ZNF256: variants seen among roughly 807,000 people sequenced by gnomAD.
The protein encoded by ZNF256 is zinc finger protein 256.
Under a neutral mutation model 7.9 loss-of-function variants are expected in ZNF256, and 4 were observed. The ratio of observed to expected loss-of-function variants is 0.50; its 90% CI spans 0.25 to 1.15. ZNF256 has a LOEUF of 1.15. Ranked by LOEUF, ZNF256 falls within the 50% of genes most tolerant of loss-of-function variation. ZNF256 has a pLI of 0.15. For synonymous variants in ZNF256, 260 were observed against 260.4 expected, an observed-to-expected ratio of 1.00 and a Z score of 0.02; for missense variants, 666 against 755.9, an observed-to-expected ratio of 0.88 and a Z score of 1.39.
intron 1 of ZNF256, among the ~76,000 whole-genome samples, chr19:57,944,754 G>A (rs1231091422): frequency 2.6e-5 from 4 of 152,094 alleles, no homozygotes; most frequent in African/African-American, 9.7e-5. Flanking sequence ...AACCCAGGAG[G>A]TGGAGAGGTG....
intron 1 of ZNF256, among the ~76,000 whole-genome samples, chr19:57,944,511 C>A (rs2072753259): frequency 6.6e-6 from 1 of 152,226 alleles, no homozygotes; most frequent in Non-Finnish European, 1.5e-5. Context: ...GGCTTCCCCA[C>A]ATGCTACCTG....
intron 1 of ZNF256, among the ~76,000 whole-genome samples, chr19:57,946,077 C>G (rs2072764504): frequency 2.0e-5 from 3 of 152,214 alleles, no homozygotes; most frequent in Admixed American, 2.0e-4. Context: ...GCCGTGGCCA[C>G]TGCCAAACTA....
Position 57,941,475 on chromosome 19 carries a change from T to C in ZNF256, c.1333A>G (p.Ser445Gly). The C allele has an allele frequency of 9.3e-6, 15 of 1,614,160 alleles. No homozygotes were observed. Among genetic ancestry groups the C allele is most frequent in the Non-Finnish European group, 1.0e-5 (12 of 1,180,036 alleles). ...TGTACAATGAGGTCAAATTTCCTGC[T>C]AAATAATTTTCCACATTCATGACAT... is the stretch of plus-strand genomic sequence containing the variant. ...HECHECGKLF[S>G]RKFDLIVHER... The change falls in exon 3 of 3, where the codon AGC becomes GGC. Residue 445 changes from serine (S) to glycine (G), a missense_variant. Physicochemically the swap from Ser to Gly is moderately conservative, Grantham distance 56. Coordinates refer to ENST00000282308, the MANE Select transcript of ZNF256 (RefSeq NM_005773.3).
chr19:57,941,270 T>C lies in ZNF256; in HGVS notation c.1538A>G (p.His513Arg). 6.2e-7 allele frequency: 1 copy of C among 1,614,188 alleles called. No homozygotes were observed. Among genetic ancestry groups the C allele is most frequent in the Non-Finnish European group, 8.5e-7 (1 of 1,180,032 alleles). ...SSTLLQHQRV[H>R]TGERPYECNE... ...GCACTCATAAGGCCTTTCTCCAGTG[T>C]GAACTCTCTGGTGTTGAAGGAGCGT... The change falls in exon 3 of 3, where the codon CAC becomes CGC. Residue 513 changes from histidine (H) to arginine (R), a missense_variant. Coordinates refer to ENST00000282308, the MANE Select transcript of ZNF256 (RefSeq NM_005773.3).
chr19:57,944,193 A>G, intron 1 of ZNF256, 133 bp from the exon 2 acceptor site: 1 of 1,342,968 alleles, frequency 7.4e-7, no homozygotes, highest in Non-Finnish European at 1.0e-6. Flanking sequence ...AGGAGAAAGC[A>G]GTCAGCTGGT....
At position 57,947,037 on chromosome 19, in the gene ZNF256, G is replaced by A. The variant is rs75030408; in HGVS notation, c.33+405C>T. On this transcript the variant is annotated intron_variant, in intron 1 of 2. Transcript: ENST00000282308. ...CACAACCCAGAGAACCTGTGGGTGG[G>A]AGTTAGGGCTAGTGAGAGACTGGGA... 9.7e-3 allele frequency among the ~76,000 whole-genome samples: 1,472 copies of A among 152,336 alleles called. 50 individuals carry two copies. The highest frequency in any genetic ancestry group is 0.097 in the East Asian group (500 of 5,176).
At chr19:57,945,547 C>T (rs2072761147) in intron 1 of ZNF256, among the ~76,000 whole-genome samples, 1 of 152,274 alleles carries the variant, frequency 6.6e-6, no homozygotes, top group African/African-American at 2.4e-5. Context: ...AAGGCTGTAT[C>T]GTTTTCATCA....
At position 57,942,754 on chromosome 19, in the gene ZNF256, T is replaced by G. The variant is rs560749073; in HGVS notation, c.161-107A>C. The G allele has an allele frequency of 1.4e-4, 195 of 1,374,588 alleles. 3 individuals are homozygous for G. The South Asian group carries it at 2.6e-3, about 18-fold the overall frequency. The allele number at this position is 1,374,588 out of a possible 1,614,324, so 85.1% of individuals were successfully genotyped here. A position where few individuals can be genotyped will look rare whatever the true frequency, so the allele number is the denominator to read the frequency against. On this transcript the variant is annotated intron_variant, in intron 2 of 2. Coordinates refer to ENST00000282308, the MANE Select transcript of ZNF256 (RefSeq NM_005773.3). ...AACCCAGGAACTGAGTCCATGGGGT[T>G]GTTTTCAGGACCAAGGTGTTGGGTT...
intron 1 of ZNF256, among the ~76,000 whole-genome samples, chr19:57,946,298 G>C (rs1363847116): frequency 2.6e-5 from 4 of 152,154 alleles, no homozygotes; most frequent in Non-Finnish European, 1.5e-5. Flanking sequence ...ACGTTCATCT[G>C]CCCACTTAAC....
chr19:57,941,672 T>C lies in ZNF256; in HGVS notation c.1136A>G (p.Tyr379Cys). Residue 379 changes from tyrosine to cysteine, a missense_variant, in exon 3 of 3, where the codon TAT (tyrosine) becomes TGT (cysteine). Transcript: ENST00000282308. ...GGATTTCCCACATTCACTGCACATA[T>C]AAGGCCTTGTACCAGTGTGAACTCT... The part of the protein sequence containing the change: ...HQRVHTGTRP[Y>C]MCSECGKSFS... The C allele has an allele frequency of 6.2e-7, 1 of 1,614,194 alleles. No individual in the cohort carries two copies. The highest frequency in any genetic ancestry group is 8.5e-7 in the Non-Finnish European group (1 of 1,180,042).
rs1361648315 is a variant in ZNF256, at chr19:57,940,879, G to A, written c.*45C>T. 2 of 1,530,634 alleles carry A rather than the reference G, an allele frequency of 1.3e-6. No homozygotes were observed. The highest frequency in any genetic ancestry group is 1.2e-5 in the South Asian group (1 of 80,374). The allele number at this position is 1,530,634 out of a possible 1,614,324, so 94.8% of individuals were successfully genotyped here. On this transcript the variant is annotated 3_prime_UTR_variant, in exon 3 of 3. Transcript: ENST00000282308. The stretch of plus-strand genomic sequence containing the variant: ...TTATTTATGTCTGTGAATTTTGCAG[G>A]GACACTTCTCAGTCCGTAACAGCCC...
At chr19:57,946,824 A>G (rs2072769322) in intron 1 of ZNF256, among the ~76,000 whole-genome samples, 1 of 152,214 alleles carries the variant, frequency 6.6e-6, no homozygotes, top group African/African-American at 2.4e-5. Context: ...GGCTTCATAA[A>G]TGCACCCAGC....
intron 1 of ZNF256, among the ~76,000 whole-genome samples, chr19:57,946,999 G>A (rs1178109801): frequency 1.3e-5 from 2 of 152,214 alleles, no homozygotes; most frequent in African/African-American, 4.8e-5. Context: ...TAAGGGCTGG[G>A]GGAATGGCAC....
Position 57,942,172 on chromosome 19 carries a change from G to T in ZNF256, c.636C>A (p.Asn212Lys), listed in dbSNP as rs749183861. ...TGAAAGCTTTCACACATTCTCCCCAGTTGTAATGATTTTTTACACTGTGAA... is the reference window on the plus strand; with the variant it reads ...TGAAAGCTTTCACACATTCTCCCCATTTGTAATGATTTTTTACACTGTGAA... ...VAFHSVKNHY[N>K]WGECVKAFSY... The change falls in exon 3 of 3, where the codon AAC becomes AAA. Residue 212 changes from asparagine to lysine, a missense_variant. Coordinates refer to ENST00000282308, the MANE Select transcript of ZNF256 (RefSeq NM_005773.3). 1.5e-5 allele frequency: 24 copies of T among 1,614,084 alleles called. No homozygotes were observed. Among genetic ancestry groups the T allele is most frequent in the Non-Finnish European group, 1.7e-6 (2 of 1,180,042 alleles).
chr19:57,947,293 T>C (rs927092750), intron 1 of ZNF256, 149 bp downstream of exon 1: 60 of 817,174 alleles, frequency 7.3e-5, no homozygotes, highest in Non-Finnish European at 9.9e-5. Context: ...GCGCCCTCCC[T>C]TCCCTAGCAC....
At chr19:57,946,832 A>G (rs971274351) in intron 1 of ZNF256, among the ~76,000 whole-genome samples, 3 of 152,224 alleles carry the variant, frequency 2.0e-5, no homozygotes, top group Admixed American at 2.0e-4. Context: ...AAATGCACCC[A>G]GCTCCGTACT....
chr19:57,941,050 C>G lies in ZNF256; in HGVS notation c.1758G>C (p.Gln586His). The change falls in exon 3 of 3, where the codon CAG (glutamine) becomes CAC (histidine). Residue 586 changes from glutamine to histidine, a missense_variant. Gln to His is a conservative substitution (Grantham distance 24). Transcript: ENST00000282308. ...ECSECGKSFS[Q>H]SSNLTNHQRI... ...GCTGGTGATTAGTGAGGTTAGAGCT[C>G]TGGCTAAAGGATTTTCCACATTCAC... The G allele has an allele frequency of 6.2e-7, 1 of 1,614,092 alleles. No homozygotes were observed. Among genetic ancestry groups the G allele is most frequent in the Non-Finnish European group, 8.5e-7 (1 of 1,180,020 alleles).
At position 57,941,341 on chromosome 19, in the gene ZNF256, C is replaced by A. The variant is rs751425357; in HGVS notation, c.1467G>T (p.Arg489Ser). Residue 489 changes from arginine to serine, a missense_variant, in exon 3 of 3, where the codon AGG becomes AGT. Coordinates refer to ENST00000282308, the MANE Select transcript of ZNF256 (RefSeq NM_005773.3). ...TCCCACACTCCCCACATTCATAAGG[C>A]CTTGCTCCAGTATGAACTTTCCAGT... ...ISHWKVHTGARPYECGECGKS... is the reference protein window; with the variant it reads ...ISHWKVHTGASPYECGECGKS... The A allele has an allele frequency of 1.9e-6, 3 of 1,613,952 alleles. No individual in the cohort carries two copies. Among genetic ancestry groups the A allele is most frequent in the Admixed American group, 1.7e-5 (1 of 59,984 alleles).
intron 1 of ZNF256, among the ~76,000 whole-genome samples, chr19:57,944,738 C>T (rs2072754665): frequency 6.6e-6 from 1 of 152,064 alleles, no homozygotes; most frequent in African/African-American, 2.4e-5. Flanking sequence ...GCAGGAGAAT[C>T]ACTAGAACCC....
Sources: allele counts gnomAD v4.1 joint callset (sites outside exome capture counted in the v4.1 genomes callset), GRCh38; gene constraint gnomAD v4.1.1; transcripts MANE v1.5; gene names NCBI Gene and HGNC (gene_info 2026-07-23, HGNC 2026-07-21).